Variants in MBD5 observed in about 807,000 individuals in gnomAD.
MBD5 encodes the protein methyl-CpG-binding domain protein 5.
In MBD5, 13 loss-of-function variants were observed where a neutral mutation model predicts 117.3. The ratio of observed to expected loss-of-function variants is 0.11; its 90% confidence interval spans 0.07 to 0.18. The LOEUF is 0.18. MBD5 is among the 10% of genes least tolerant of loss of function. The probability of loss-of-function intolerance (pLI) is 1.00; values close to 1 mark genes in which losing one functional copy is unlikely to be tolerated. For missense variants in MBD5, 1,879 were observed against 2,093.8 expected, an observed-to-expected ratio of 0.90 and a Z score of 2.00; for synonymous variants, 727 against 766.4, an observed-to-expected ratio of 0.95 and a Z score of 0.85.
chr2:148,414,923 C>T (rs141395402), intron 4 of MBD5, among the ~76,000 whole-genome samples: 284 of 152,240 alleles, frequency 1.9e-3, no homozygotes, highest in African/African-American at 6.6e-3. Flanking sequence ...CAACTTGCTG[C>T]TCTGTGCCTT....
chr2:148,371,487 T>C (rs895927025), intron 4 of MBD5, among the ~76,000 whole-genome samples: 1 of 152,154 alleles, frequency 6.6e-6, no homozygotes, highest in Non-Finnish European at 1.5e-5. Flanking sequence ...AGTTACACTG[T>C]ATCAACAACC....
chr2:148,472,928 CTTA>C (rs1279432919), intron 8 of MBD5, among the ~76,000 whole-genome samples: 4 of 152,098 alleles, frequency 2.6e-5, no homozygotes, highest in Non-Finnish European at 5.9e-5. Context: ...GCTAAAAAAA[CTTA>C]AGTAACTGTT....
At chr2:148,151,569 C>T (rs1438868428) in intron 1 of MBD5, among the ~76,000 whole-genome samples, 2 of 152,156 alleles carry the variant, frequency 1.3e-5, no homozygotes, top group African/African-American at 4.8e-5. Flanking sequence ...TCCATCTGGT[C>T]CTAGACTCTT....
chr2:148,072,571 C>T (rs529444115), intron 1 of MBD5, among the ~76,000 whole-genome samples: 6 of 152,028 alleles, frequency 3.9e-5, no homozygotes, highest in Admixed American at 6.6e-5. Flanking sequence ...TTTGATTCAG[C>T]GGTAAATTGA....
At chr2:148,432,748 A>G (rs552001999) in intron 4 of MBD5, among the ~76,000 whole-genome samples, 2 of 152,112 alleles carry the variant, frequency 1.3e-5, no homozygotes, top group South Asian at 4.1e-4. Context: ...GTACCAGTAC[A>G]ATGCTCTTTT....
chr2:148,187,226 C>CA (rs1698683773), intron 2 of MBD5, among the ~76,000 whole-genome samples: 2 of 151,850 alleles, frequency 1.3e-5, no homozygotes, highest in Non-Finnish European at 2.9e-5. Flanking sequence ...AGCCAGTCCC[C>CA]AAGTCTAAAA....
chr2:148,372,196 T>C (rs1703872564), intron 4 of MBD5, among the ~76,000 whole-genome samples: 1 of 152,112 alleles, frequency 6.6e-6, no homozygotes, highest in Non-Finnish European at 1.5e-5. Context: ...TGGATCCAAA[T>C]CACGTTATCT....
At chr2:148,439,763 GC>G (rs1706264818) in intron 4 of MBD5, among the ~76,000 whole-genome samples, 1 of 137,238 alleles carries the variant, frequency 7.3e-6, no homozygotes, top group Non-Finnish European at 1.5e-5. Flanking sequence ...TTTTAGAGAT[GC>G]AGTTTAGCCC....
rs1682306872 is a variant in MBD5 at position 148,514,813 on chromosome 2, G to C, written c.*1872G>C. The C allele has an allele frequency of 6.6e-6, 1 of 152,234 alleles. No homozygotes were observed. The highest frequency in any genetic ancestry group is 1.5e-5 in the Non-Finnish European group (1 of 68,122). 9.4% of individuals were successfully genotyped at this position (152,234 alleles called of 1,614,324 possible). A position where few individuals can be genotyped will look rare whatever the true frequency, so the allele number is the denominator to read the frequency against. ...GCAACAGCTCTTAGTTATTCCCCTA[G>C]GTCTCCTGTGTCTCTCTGTCCCTCT... On this transcript the variant is annotated 3_prime_UTR_variant, in exon 14 of 14. Transcript: ENST00000642680.
intron 1 of MBD5, among the ~76,000 whole-genome samples, chr2:148,112,739 G>T (rs1696530266): frequency 6.6e-6 from 1 of 151,708 alleles, no homozygotes; most frequent in Admixed American, 6.6e-5. Flanking sequence ...ATCTCATTTG[G>T]TCTACTATGG....
At chr2:148,440,368 G>A (rs2105392640) in intron 4 of MBD5, among the ~76,000 whole-genome samples, 1 of 152,144 alleles carries the variant, frequency 6.6e-6, no homozygotes, top group East Asian at 1.9e-4. Flanking sequence ...GTCATTTTCT[G>A]TGTGCCAGGC....
intron 3 of MBD5, among the ~76,000 whole-genome samples, chr2:148,265,549 T>G (rs1468650712): frequency 0.033 from 1 of 30 alleles, no homozygotes; most frequent in African/African-American, 0.036. Flanking sequence ...TAAAAAACTA[T>G]TTTTTCATAC....
At chr2:148,236,618 G>A (rs1700097065) in intron 3 of MBD5, among the ~76,000 whole-genome samples, 1 of 152,108 alleles carries the variant, frequency 6.6e-6, no homozygotes, top group South Asian at 2.1e-4. Flanking sequence ...CTGTCCTCTA[G>A]GCTTTGTTGT....
At position 148,483,582 on chromosome 2, in the gene MBD5, C is replaced by A; in HGVS notation, c.2991C>A (p.Ala997=). The change falls in exon 9 of 14, where the codon GCC becomes GCA. Residue 997 remains alanine, a synonymous_variant. Transcript: ENST00000642680. The part of the protein sequence containing the change: ...QLLAALLQNQ[A]QAAAMLPLPS... ...TAGCAGCCTTGCTTCAGAACCAAGCCCAAGCAGCTGCCATGCTTCCCCTGC... is the reference window on the plus strand; with the variant it reads ...TAGCAGCCTTGCTTCAGAACCAAGCACAAGCAGCTGCCATGCTTCCCCTGC... The A allele has an allele frequency of 2.6e-6, 4 of 1,559,730 alleles. No individual in the cohort carries two copies.
At chr2:148,254,725 G>A (rs1051974495) in intron 3 of MBD5, among the ~76,000 whole-genome samples, 1 of 152,160 alleles carries the variant, frequency 6.6e-6, no homozygotes, top group Admixed American at 6.5e-5. Flanking sequence ...TCCACCATAT[G>A]TTCAGTGTGA....
intron 4 of MBD5, among the ~76,000 whole-genome samples, chr2:148,424,135 G>A (rs148158074): frequency 6.3e-4 from 80 of 126,512 alleles, no homozygotes; most frequent in Non-Finnish European, 7.7e-4. Context: ...CTGAGATTGC[G>A]CCACTGCACT....
intron 1 of MBD5, among the ~76,000 whole-genome samples, chr2:148,152,133 A>T (rs909718011): frequency 3.3e-5 from 5 of 151,860 alleles, no homozygotes; most frequent in Non-Finnish European, 7.4e-5. Flanking sequence ...AGATTCTGGT[A>T]TGTTGTGTCT....
At chr2:148,170,821 C>T (rs1698246085) in intron 1 of MBD5, among the ~76,000 whole-genome samples, 1 of 152,130 alleles carries the variant, frequency 6.6e-6, no homozygotes, top group African/African-American at 2.4e-5. Context: ...ACAACTGATT[C>T]TACAGAAACA....
intron 3 of MBD5, among the ~76,000 whole-genome samples, chr2:148,251,182 C>A (rs1409219874): frequency 2.0e-5 from 3 of 152,046 alleles, no homozygotes; most frequent in African/African-American, 7.2e-5. Flanking sequence ...AAGAAGTCTG[C>A]CAGAGCAATT....
Sources: allele counts gnomAD v4.1 joint callset (sites outside exome capture counted in the v4.1 genomes callset), GRCh38; gene constraint gnomAD v4.1.1; transcripts MANE v1.5; gene names NCBI Gene and HGNC (gene_info 2026-07-23, HGNC 2026-07-21).